SORCS1: variants seen among roughly 807,000 people sequenced by gnomAD.
The protein encoded by SORCS1 is VPS10 domain-containing receptor SorCS1.
In SORCS1, 60 loss-of-function variants were observed where a neutral mutation model predicts 146.1. The observed-to-expected ratio is 0.41, with a 90% CI of 0.33 to 0.51. The LOEUF is 0.51. SORCS1 is among the 20% of genes least tolerant of loss of function. The probability of loss-of-function intolerance (pLI) is 0.21; values close to 1 mark genes in which losing one functional copy is unlikely to be tolerated. For synonymous variants in SORCS1, 637 were observed against 584.0 expected, an observed-to-expected ratio of 1.09 and a Z score of -1.31; for missense variants, 1,352 against 1,487.6, an observed-to-expected ratio of 0.91 and a Z score of 1.50.
chr10:107,079,615 A>T (rs915710475), intron 1 of SORCS1, among the ~76,000 whole-genome samples: 6 of 152,228 alleles, frequency 3.9e-5, no homozygotes, highest in African/African-American at 1.4e-4. Flanking sequence ...ATGTCAGCTA[A>T]TTAACCCTCA....
At chr10:107,072,401 CA>C (rs1160851103) in intron 1 of SORCS1, among the ~76,000 whole-genome samples, 2 of 152,168 alleles carry the variant, frequency 1.3e-5, no homozygotes, top group Admixed American at 6.5e-5. Flanking sequence ...TTTTCATCTG[CA>C]TAATAGATGC....
chr10:106,838,424 A>G (rs543815812), intron 2 of SORCS1, among the ~76,000 whole-genome samples: 3 of 152,200 alleles, frequency 2.0e-5, no homozygotes, highest in Non-Finnish European at 4.4e-5. Context: ...CAAAGAACCT[A>G]TAACGAAGGA....
intron 2 of SORCS1, among the ~76,000 whole-genome samples, chr10:106,859,086 T>C (rs190070172): frequency 6.6e-6 from 1 of 152,376 alleles, no homozygotes; most frequent in East Asian, 1.9e-4. Context: ...TATCCACTGC[T>C]AAGCAGACAA....
chr10:107,128,000 G>A (rs527607880), intron 1 of SORCS1, among the ~76,000 whole-genome samples: 1 of 152,272 alleles, frequency 6.6e-6, no homozygotes, highest in South Asian at 2.1e-4. Context: ...TAGAATACAA[G>A]TATTTCTGCA....
intron 3 of SORCS1, among the ~76,000 whole-genome samples, chr10:106,787,403 T>C (rs539451856): frequency 2.0e-5 from 3 of 152,160 alleles, no homozygotes; most frequent in Admixed American, 6.5e-5. Context: ...TCTAGAAACA[T>C]AAAGAAAGTT....
chr10:106,989,259 G>T (rs1956631819), intron 1 of SORCS1, among the ~76,000 whole-genome samples: 1 of 119,148 alleles, frequency 8.4e-6, no homozygotes, highest in Non-Finnish European at 1.7e-5. Context: ...GTCAGTGAAA[G>T]GCTCCACCTC....
chr10:106,859,518 C>T (rs551913509), intron 2 of SORCS1, among the ~76,000 whole-genome samples: 8 of 152,272 alleles, frequency 5.3e-5, no homozygotes, highest in Admixed American at 1.3e-4. Context: ...CTCAGCCTCC[C>T]CAGTGGCTGG....
At chr10:107,116,568 C>A (rs944028950) in intron 1 of SORCS1, among the ~76,000 whole-genome samples, 11 of 152,026 alleles carry the variant, frequency 7.2e-5, no homozygotes, top group African/African-American at 2.7e-4. Context: ...GTAAGCCAGA[C>A]ACATAAGGGC....
chr10:107,002,870 G>C (rs1957275781), intron 1 of SORCS1, among the ~76,000 whole-genome samples: 1 of 152,210 alleles, frequency 6.6e-6, no homozygotes, highest in Non-Finnish European at 1.5e-5. Flanking sequence ...CATCATTCAA[G>C]GTGGGAGTTG....
chr10:107,169,009 C>T (rs940837344), upstream of SORCS1, among the ~76,000 whole-genome samples: 2 of 152,028 alleles, frequency 1.3e-5, no homozygotes, highest in Admixed American at 6.6e-5. Context: ...TTTCTATTTG[C>T]TTTTATTTTG....
chr10:107,147,234 G>T (rs923830523), intron 1 of SORCS1, among the ~76,000 whole-genome samples: 1 of 152,116 alleles, frequency 6.6e-6, no homozygotes, highest in African/African-American at 2.4e-5. Context: ...AATGCAATAT[G>T]TCCTCGTCAT....
rs1853940992 is a variant in SORCS1 at position 106,699,220 on chromosome 10, G to T, written c.1407C>A (p.Leu469=). The T allele has an allele frequency of 6.2e-7, 1 of 1,611,292 alleles. No homozygotes were observed. The highest frequency in any genetic ancestry group is 1.3e-5 in the African/African-American group (1 of 74,856). Reference sequence around the variant, plus strand: ...CATATGCCTCGTGACATACCTCATAGAGGTCGATCATGATGTTGCCCTCAG... The same window carrying T: ...CATATGCCTCGTGACATACCTCATATAGGTCGATCATGATGTTGCCCTCAG... ...RGPEGNIMID[L]YEVAGIKGMF... is the part of the protein sequence containing the mutation. Residue 469 remains leucine, a synonymous_variant, in exon 9 of 26, where the codon CTC becomes CTA. Transcript: ENST00000263054.
chr10:107,098,052 C>T lies in SORCS1; in HGVS notation c.558+65917G>A, dbSNP rs187075621. Among the ~76,000 whole-genome samples, 191 of 152,304 alleles carry T rather than the reference C, an allele frequency of 1.3e-3. 1 individual carries two copies. The highest frequency in any genetic ancestry group is 4.5e-3 in the African/African-American group (187 of 41,560). On this transcript the variant is annotated intron_variant, in intron 1 of 25. Transcript: ENST00000263054. Reference sequence around the variant, plus strand: ...GCAAAGCACTATTGTGATAAGCATTCTCCTTGTGCAGGTCATGTCTTAGTC... The same window carrying T: ...GCAAAGCACTATTGTGATAAGCATTTTCCTTGTGCAGGTCATGTCTTAGTC...
At chr10:106,975,105 A>T (rs766177298) in intron 1 of SORCS1, among the ~76,000 whole-genome samples, 1 of 152,296 alleles carries the variant, frequency 6.6e-6, no homozygotes, top group East Asian at 1.9e-4. Context: ...CATTCTGTCA[A>T]CTACTTCAGG....
At chr10:107,084,699 G>A (rs527888811) in intron 1 of SORCS1, among the ~76,000 whole-genome samples, 2 of 146,056 alleles carry the variant, frequency 1.4e-5, no homozygotes, top group South Asian at 4.2e-4. Context: ...CATCTGAAAG[G>A]TAGAGGTACA....
intron 19 of SORCS1, among the ~76,000 whole-genome samples, chr10:106,627,587 G>A (rs1848185832): frequency 1.3e-5 from 2 of 152,152 alleles, no homozygotes; most frequent in Admixed American, 6.5e-5. Flanking sequence ...CTAACATATA[G>A]GGAGGTGTTA....
chr10:107,129,452 T>C (rs1966847132), intron 1 of SORCS1, among the ~76,000 whole-genome samples: 1 of 152,186 alleles, frequency 6.6e-6, no homozygotes, highest in South Asian at 2.1e-4. Flanking sequence ...AAAAGAATGT[T>C]CAAATAACTC....
chr10:106,993,118 C>A (rs1202612377), intron 1 of SORCS1, among the ~76,000 whole-genome samples: 1 of 152,162 alleles, frequency 6.6e-6, no homozygotes, highest in Non-Finnish European at 1.5e-5. Flanking sequence ...GCATGAGCCA[C>A]CACGCCCAGC....
Position 106,922,428 on chromosome 10 carries a change from G to A in SORCS1, c.626+34085C>T, listed in dbSNP as rs553335984. Among the ~76,000 whole-genome samples, 9 of 152,126 alleles carry A rather than the reference G, an allele frequency of 5.9e-5. No individual in the cohort carries two copies. The South Asian group carries it at 1.9e-3, about 32-fold the overall frequency. ...CAACAATAAACAAACAACACAAATAGACAAAGAAAAAACAAAAGCCCGTTG... is the reference window on the plus strand; with the variant it reads ...CAACAATAAACAAACAACACAAATAAACAAAGAAAAAACAAAAGCCCGTTG... On this transcript the variant is annotated intron_variant, in intron 2 of 25. Coordinates refer to ENST00000263054, the MANE Select transcript of SORCS1 (RefSeq NM_052918.5).
Sources: gnomAD v4.1 joint callset for allele counts (sites outside exome capture counted in the v4.1 genomes callset) on GRCh38, gnomAD v4.1.1 for gene constraint, MANE v1.5 for transcripts, NCBI Gene and HGNC (gene_info 2026-07-23, HGNC 2026-07-21) for gene names.